The following GRIP1 variants were observed in gnomAD, a reference collection of about 807,000 sequenced individuals.
GRIP1 encodes the protein glutamate receptor-interacting protein 1.
GRIP1 carries 45 observed loss-of-function variants against 129.9 expected under a neutral mutation model. That is an observed-to-expected ratio of 0.35 (90% CI 0.27 to 0.44). The LOEUF (loss-of-function observed/expected upper bound fraction) is 0.44, where lower values mean the gene tolerates loss of function less well. Ranked by LOEUF, GRIP1 falls within the 20% of genes least tolerant of loss-of-function variation. The pLI is 1.00. For synonymous variants in GRIP1, 530 were observed against 520.8 expected (o/e 1.02, Z -0.24); for missense variants, 1,196 against 1,396.8 (o/e 0.86, Z 2.29).
At chr12:66,645,966 T>C (rs1486313392) in intron 1 of GRIP1, among the ~76,000 whole-genome samples, 1 of 152,160 alleles carries the variant, frequency 6.6e-6, no homozygotes, top group Admixed American at 6.5e-5. Context: ...TATGGAGCCA[T>C]CAGTATTAAA....
At chr12:66,834,942 G>T (rs1226789797) in intron 1 of GRIP1, among the ~76,000 whole-genome samples, 2 of 147,976 alleles carry the variant, frequency 1.4e-5, no homozygotes, top group African/African-American at 2.5e-5. Context: ...AAAAAGGGGG[G>T]GGGGCAGGAG....
At chr12:66,380,646 T>C (rs891684805) in intron 19 of GRIP1, among the ~76,000 whole-genome samples, 3 of 152,240 alleles carry the variant, frequency 2.0e-5, no homozygotes, top group African/African-American at 7.2e-5. Context: ...CTGGAAATTA[T>C]AGTCTTTGCA....
At chr12:67,007,069 T>A (rs1443736996) in intron 1 of GRIP1, among the ~76,000 whole-genome samples, 1 of 152,148 alleles carries the variant, frequency 6.6e-6, no homozygotes, top group East Asian at 1.9e-4. Flanking sequence ...TACCATCAAA[T>A]CCCACTCTAT....
intron 23 of GRIP1, among the ~76,000 whole-genome samples, chr12:66,369,945 T>G (rs925108242): frequency 1.3e-5 from 2 of 152,230 alleles, no homozygotes; most frequent in Admixed American, 6.5e-5. Flanking sequence ...GGCCTAAACC[T>G]GGGTCATCAT....
At chr12:66,838,187 T>TAAAAAAAAA (rs56259335) in intron 1 of GRIP1, among the ~76,000 whole-genome samples, 4 of 137,518 alleles carry the variant, frequency 2.9e-5, no homozygotes, top group South Asian at 4.9e-4. Flanking sequence ...AGACTCCACC[T>TAAAAAAAAA]AAAAAAAAAA....
intron 1 of GRIP1, among the ~76,000 whole-genome samples, chr12:66,616,179 C>G (rs1163415887): frequency 6.6e-6 from 1 of 151,966 alleles, no homozygotes; most frequent in African/African-American, 2.4e-5. Flanking sequence ...TAATGCAGCC[C>G]CCTTGAGTAC....
At chr12:66,879,164 G>A (rs1317668578) in intron 1 of GRIP1, among the ~76,000 whole-genome samples, 1 of 151,856 alleles carries the variant, frequency 6.6e-6, no homozygotes, top group African/African-American at 2.4e-5. Context: ...GTCCTCAGGT[G>A]GCTTTTACTA....
intron 1 of GRIP1, among the ~76,000 whole-genome samples, chr12:66,662,322 C>G (rs982028539): frequency 8.5e-5 from 13 of 152,122 alleles, no homozygotes; most frequent in Admixed American, 2.0e-4. Context: ...TGAAGTCTCT[C>G]TCTCCACTTC....
At chr12:66,907,535 G>C (rs2040954365) in intron 1 of GRIP1, among the ~76,000 whole-genome samples, 1 of 152,176 alleles carries the variant, frequency 6.6e-6, no homozygotes, top group Non-Finnish European at 1.5e-5. Flanking sequence ...GGAGGAAGCA[G>C]AGGCAAGTTG....
chr12:66,792,090 G>T (rs1452844831), intron 1 of GRIP1, among the ~76,000 whole-genome samples: 1 of 152,134 alleles, frequency 6.6e-6, no homozygotes, highest in African/African-American at 2.4e-5. Context: ...TACAAAAATA[G>T]AGAAAGAACC....
At chr12:66,973,356 T>C (rs2042102351) in intron 1 of GRIP1, among the ~76,000 whole-genome samples, 1 of 148,242 alleles carries the variant, frequency 6.7e-6, no homozygotes, top group African/African-American at 2.5e-5. Flanking sequence ...TGGTTATTTT[T>C]TCCCTTTTTT....
At chr12:66,985,958 T>C in intron 1 of GRIP1, among the ~76,000 whole-genome samples, 1 of 152,204 alleles carries the variant, frequency 6.6e-6, no homozygotes, top group East Asian at 1.9e-4. Context: ...GGTCATCTTT[T>C]TTAAAATGTG....
upstream of GRIP1, chr12:66,679,117 G>A: frequency 2.1e-6 from 3 of 1,458,166 alleles, no homozygotes; most frequent in Non-Finnish European, 2.7e-6. Flanking sequence ...ACCCCTGCCT[G>A]CCACAGCCTC....
intron 1 of GRIP1, among the ~76,000 whole-genome samples, chr12:66,744,028 G>T (rs747058467): frequency 2.6e-5 from 4 of 152,014 alleles, no homozygotes; most frequent in Non-Finnish European, 4.4e-5. Flanking sequence ...TGCTTCCTGT[G>T]TCTTAATTAA....
chr12:66,448,646 CT>C (rs1285481213), intron 11 of GRIP1, among the ~76,000 whole-genome samples: 2 of 152,156 alleles, frequency 1.3e-5, no homozygotes, highest in African/African-American at 4.8e-5. Context: ...CACAAACTGT[CT>C]CATTGGCTCC....
intron 1 of GRIP1, among the ~76,000 whole-genome samples, chr12:66,785,343 C>CATACATACATATATACAT (rs377630345): frequency 1.4e-5 from 1 of 72,780 alleles, no homozygotes; most frequent in African/African-American, 5.1e-5. Flanking sequence ...TACATACATA[C>CATACATACATATATACAT]ATATATATAT....
intron 1 of GRIP1, among the ~76,000 whole-genome samples, chr12:67,020,500 T>C (rs975638754): frequency 6.6e-6 from 1 of 152,122 alleles, no homozygotes; most frequent in Non-Finnish European, 1.5e-5. Flanking sequence ...CTTGGACTCC[T>C]GGGCTCAAGT....
chr12:66,357,037 T>C (rs1362311409), intron 23 of GRIP1, among the ~76,000 whole-genome samples: 1 of 152,012 alleles, frequency 6.6e-6, no homozygotes, highest in African/African-American at 2.4e-5. Flanking sequence ...CCACCACATC[T>C]AGCTAATTTT....
At chr12:66,741,532 T>C (rs183694625) in intron 1 of GRIP1, among the ~76,000 whole-genome samples, 133 of 152,360 alleles carry the variant, frequency 8.7e-4, no homozygotes, top group African/African-American at 3.1e-3. Context: ...AGAAATATTA[T>C]GTGTGTCACA....
Sources: allele counts gnomAD v4.1 joint callset (sites outside exome capture counted in the v4.1 genomes callset), GRCh38; gene constraint gnomAD v4.1.1; transcripts MANE v1.5; gene names NCBI Gene and HGNC (gene_info 2026-07-23, HGNC 2026-07-21).